Variants in BTBD16 observed in about 807,000 individuals in gnomAD.
The protein encoded by BTBD16 is BTB/POZ domain-containing protein 16.
A neutral mutation model predicts 67.4 loss-of-function variants in BTBD16; 66 were observed. That is an observed-to-expected ratio of 0.98 (90% confidence interval 0.80 to 1.20). The LOEUF (loss-of-function observed/expected upper bound fraction) is 1.20. BTBD16 is among the 50% of genes most tolerant of loss of function. The pLI, the probability that BTBD16 is intolerant of heterozygous loss-of-function variation, is 0.00. For missense variants in BTBD16, 634 were observed against 616.0 expected (o/e 1.03, Z -0.31); for synonymous variants, 242 against 236.4 (o/e 1.02, Z -0.22).
chr10:122,287,508 A>G, intron 5 of BTBD16: 1 of 984,394 alleles, frequency 1.0e-6, no homozygotes, highest in Non-Finnish European at 1.2e-6. Flanking sequence ...TGCAGAGATG[A>G]AATCCCAGTG....
intron 5 of BTBD16, among the ~76,000 whole-genome samples, chr10:122,289,584 T>C (rs934535187): frequency 6.6e-6 from 1 of 151,864 alleles, no homozygotes; most frequent in Non-Finnish European, 1.5e-5. Context: ...ACTAAAAATG[T>C]AAAACTAGCC....
At chr10:122,296,423 C>T (rs2096383314) in intron 7 of BTBD16, among the ~76,000 whole-genome samples, 1 of 152,158 alleles carries the variant, frequency 6.6e-6, no homozygotes, top group Admixed American at 6.5e-5. Flanking sequence ...GCAAGAGGTA[C>T]TGGATGTCCT....
At chr10:122,279,511 A>ACACACACACACAC (rs2096347757) in intron 3 of BTBD16, among the ~76,000 whole-genome samples, 1 of 143,868 alleles carries the variant, frequency 7.0e-6, no homozygotes. Flanking sequence ...GAGAAAGAGA[A>ACACACACACACAC]ACACACACAC....
intron 11 of BTBD16, 29 bp downstream of exon 11, chr10:122,329,600 AC>A (rs530524570): frequency 6.2e-7 from 1 of 1,601,314 alleles, no homozygotes; most frequent in South Asian, 1.1e-5. Flanking sequence ...GAGCGCATCC[AC>A]GGGAAAGCTG....
chr10:122,277,881 A>G (rs1398570820), intron 3 of BTBD16, among the ~76,000 whole-genome samples: 1 of 152,228 alleles, frequency 6.6e-6, no homozygotes, highest in East Asian at 1.9e-4. Context: ...GGTACACCTC[A>G]TTTCCCTGGT....
At chr10:122,326,013 GTCT>G (rs1565021548) in intron 10 of BTBD16, among the ~76,000 whole-genome samples, 1 of 149,954 alleles carries the variant, frequency 6.7e-6, no homozygotes, top group Admixed American at 6.6e-5. Context: ...AGTGTCCCAA[GTCT>G]TCTATGCTGA....
rs567463126 is a variant in BTBD16 at position 122,280,178 on chromosome 10, C to T, written c.167+3239C>T. 7.0e-4 allele frequency among the ~76,000 whole-genome samples: 107 copies of T among 152,258 alleles called. 3 individuals carry two copies. In the South Asian group the frequency reaches 0.016, roughly 22 times the overall value. ...TGTGCCTTAGTTTATGTGCAAATCA[C>T]GGATACTGTCTTACAGGGTTGTGTG... On this transcript the variant is annotated intron_variant, in intron 3 of 15. Coordinates refer to ENST00000260723, the MANE Select transcript of BTBD16 (RefSeq NM_144587.5).
intron 10 of BTBD16, 60 bp downstream of exon 10, chr10:122,307,368 T>C: frequency 6.8e-7 from 1 of 1,467,802 alleles, no homozygotes; most frequent in Non-Finnish European, 9.1e-7. Flanking sequence ...CAAACACTGC[T>C]CATAATATCA....
intron 5 of BTBD16, 43 bp downstream of exon 5, chr10:122,286,291 C>T (rs2096363706): frequency 1.3e-6 from 2 of 1,561,416 alleles, no homozygotes; most frequent in Non-Finnish European, 8.7e-7. Context: ...CCAGTGCCCT[C>T]TAGCTTGACG....
intron 3 of BTBD16, among the ~76,000 whole-genome samples, chr10:122,279,636 CT>C (rs1258850635): frequency 6.6e-6 from 1 of 151,802 alleles, no homozygotes; most frequent in African/African-American, 2.4e-5. Flanking sequence ...ACATGAAGGG[CT>C]TATTCCTGGT....
At chr10:122,324,921 G>A (rs1485211544) in intron 10 of BTBD16, among the ~76,000 whole-genome samples, 1 of 152,240 alleles carries the variant, frequency 6.6e-6, no homozygotes, top group Admixed American at 6.5e-5. Context: ...TCTGGGTGTA[G>A]GAGTTTCTTA....
At chr10:122,294,743 C>T (rs1323839715) in intron 7 of BTBD16, among the ~76,000 whole-genome samples, 1 of 152,220 alleles carries the variant, frequency 6.6e-6, no homozygotes, top group African/African-American at 2.4e-5. Context: ...AGAGGCGAGC[C>T]CGGATGGCTT....
rs267602394 is a variant in BTBD16 at position 122,283,869 on chromosome 10, C to T, written c.186C>T (p.Ile62=). ...RNPDRLCISQ[I]QKFFFENFKN... ...CCTTGAGGTTATGCATTTCACAAAT[C>T]CAGAAGTTTTTCTTTGAGAATTTCA... is the stretch of plus-strand genomic sequence containing the variant. Residue 62 remains isoleucine, a synonymous_variant, in exon 4 of 16, where the codon ATC becomes ATT. Coordinates refer to ENST00000260723, the MANE Select transcript of BTBD16 (RefSeq NM_144587.5). The T allele has an allele frequency of 1.5e-5, 24 of 1,614,040 alleles. No individual in the cohort carries two copies. In the Middle Eastern group the frequency reaches 9.9e-4, roughly 67 times the overall value.
At chr10:122,299,211 C>T in intron 9 of BTBD16, 77 bp downstream of exon 9, 1 of 1,533,042 alleles carries the variant, frequency 6.5e-7, no homozygotes, top group Non-Finnish European at 8.8e-7. Context: ...GAGGGAGGTG[C>T]TCTGATGGAG....
At chr10:122,332,890 C>A (rs2096457456) in intron 13 of BTBD16, 1 of 985,108 alleles carries the variant, frequency 1.0e-6, no homozygotes. Flanking sequence ...ACAAGAGACT[C>A]CATGCCAAGT....
chr10:122,295,658 C>T (rs925018643), intron 7 of BTBD16, among the ~76,000 whole-genome samples: 2 of 152,194 alleles, frequency 1.3e-5, no homozygotes, highest in African/African-American at 2.4e-5. Context: ...AGGAGGGGCA[C>T]GCTCAAGAGA....
chr10:122,307,500 C>T (rs1224801629), intron 10 of BTBD16, among the ~76,000 whole-genome samples, 192 bp downstream of exon 10: 1 of 152,008 alleles, frequency 6.6e-6, no homozygotes, highest in Non-Finnish European at 1.5e-5. Context: ...AAGTAAACAA[C>T]ATGTAGGTGT....
At chr10:122,281,660 G>A (rs2096353501) in intron 3 of BTBD16, among the ~76,000 whole-genome samples, 1 of 152,136 alleles carries the variant, frequency 6.6e-6, no homozygotes, top group African/African-American at 2.4e-5. Context: ...GCATGTCCTT[G>A]CAAGTTATTC....
chr10:122,332,888 C>T (rs1287651007), intron 13 of BTBD16: 2 of 985,194 alleles, frequency 2.0e-6, no homozygotes, highest in African/African-American at 3.5e-5. Context: ...CAACAAGAGA[C>T]TCCATGCCAA....
Sources: allele counts gnomAD v4.1 joint callset (sites outside exome capture counted in the v4.1 genomes callset), GRCh38; gene constraint gnomAD v4.1.1; transcripts MANE v1.5; gene names NCBI Gene and HGNC (gene_info 2026-07-23, HGNC 2026-07-21).